Variants in ATXN1 observed in about 807,000 individuals in gnomAD.
The protein encoded by ATXN1 is ataxin 1, also known as ataxin-1.
In ATXN1, 8 loss-of-function variants were observed where a neutral mutation model predicts 56.4. The ratio of observed to expected loss-of-function variants is 0.14; its 90% confidence interval spans 0.08 to 0.26. The LOEUF (loss-of-function observed/expected upper bound fraction) is 0.26, where lower values mean the gene tolerates loss of function less well. ATXN1 is among the 10% of genes least tolerant of loss of function. The pLI, the probability that ATXN1 is intolerant of heterozygous loss-of-function variation, is 1.00. For missense variants in ATXN1, 987 were observed against 1,106.5 expected (o/e 0.89, Z 1.53); for synonymous variants, 514 against 494.6 (o/e 1.04, Z -0.52).
At chr6:16,556,054 T>C (rs1762007205) in intron 4 of ATXN1, among the ~76,000 whole-genome samples, 1 of 152,222 alleles carries the variant, frequency 6.6e-6, no homozygotes, top group Admixed American at 6.5e-5. Context: ...TAGGCATTCT[T>C]TTTCCTCTTG....
chr6:16,545,006 G>C (rs968950745), intron 4 of ATXN1, among the ~76,000 whole-genome samples: 1 of 152,156 alleles, frequency 6.6e-6, no homozygotes, highest in Non-Finnish European at 1.5e-5. Context: ...AAGGTCTTCA[G>C]GTCCAGGTAT....
At chr6:16,541,616 C>T (rs1339687548) in intron 4 of ATXN1, among the ~76,000 whole-genome samples, 1 of 152,190 alleles carries the variant, frequency 6.6e-6, no homozygotes, top group South Asian at 2.1e-4. Flanking sequence ...CGGCAGACTT[C>T]ATTCCACAGT....
intron 4 of ATXN1, among the ~76,000 whole-genome samples, chr6:16,527,743 T>C (rs765681293): frequency 6.6e-6 from 1 of 152,216 alleles, no homozygotes; most frequent in African/African-American, 2.4e-5. Flanking sequence ...ATGTCAGCAG[T>C]GGATGGAGTC....
chr6:16,666,018 A>C (rs1250570552), intron 2 of ATXN1, among the ~76,000 whole-genome samples: 1 of 152,150 alleles, frequency 6.6e-6, no homozygotes, highest in Non-Finnish European at 1.5e-5. Flanking sequence ...GTTATTTTGA[A>C]ATATACAATA....
Position 16,529,215 on chromosome 6 carries a change from T to G in ATXN1, c.-360-6527A>C, listed in dbSNP as rs184143868. The stretch of plus-strand genomic sequence containing the variant: ...TCTTTGTCAGGGTTTTTTGTTTTTT[T>G]TTTTTTTTTGTGAAGATAGCAAGCG... On this transcript the variant is annotated intron_variant, in intron 4 of 7. Transcript: ENST00000436367. Among the ~76,000 whole-genome samples, 647 of 150,870 alleles carry G rather than the reference T, an allele frequency of 4.3e-3. 2 individuals are homozygous for G. The highest frequency in any genetic ancestry group is 0.01 in the Admixed American group (152 of 15,164).
intron 6 of ATXN1, among the ~76,000 whole-genome samples, chr6:16,331,841 G>C (rs1760999483): frequency 6.6e-6 from 1 of 152,174 alleles, no homozygotes; most frequent in Non-Finnish European, 1.5e-5. Flanking sequence ...TCGTAAATTT[G>C]AAAAAGAATG....
intron 2 of ATXN1, among the ~76,000 whole-genome samples, chr6:16,684,370 G>C (rs1758874488): frequency 6.6e-6 from 1 of 152,084 alleles, no homozygotes; most frequent in Non-Finnish European, 1.5e-5. Flanking sequence ...TTGATTTAGT[G>C]GTCCTGTGAA....
intron 2 of ATXN1, among the ~76,000 whole-genome samples, chr6:16,752,013 T>C (rs1760736927): frequency 6.6e-6 from 1 of 152,144 alleles, no homozygotes; most frequent in African/African-American, 2.4e-5. Context: ...TAGTGGCAGC[T>C]CCAGATCTTA....
At chr6:16,346,740 C>T (rs1052865097) in intron 6 of ATXN1, among the ~76,000 whole-genome samples, 1 of 151,542 alleles carries the variant, frequency 6.6e-6, no homozygotes, top group African/African-American at 2.4e-5. Flanking sequence ...ACAGCCCTCA[C>T]TTGCTCTCTG....
chr6:16,439,032 C>A (rs1384532398), intron 6 of ATXN1, among the ~76,000 whole-genome samples: 2 of 151,966 alleles, frequency 1.3e-5, no homozygotes, highest in Non-Finnish European at 2.9e-5. Flanking sequence ...GTTACCCTTT[C>A]ATTACTGAAT....
At chr6:16,362,583 C>T (rs1009721541) in intron 6 of ATXN1, among the ~76,000 whole-genome samples, 4 of 152,186 alleles carry the variant, frequency 2.6e-5, no homozygotes, top group Non-Finnish European at 5.9e-5. Context: ...CGGCTCTTCC[C>T]ACCAGCAGCA....
chr6:16,627,360 T>C (rs1000530077), intron 3 of ATXN1, among the ~76,000 whole-genome samples: 1 of 152,190 alleles, frequency 6.6e-6, no homozygotes, highest in Non-Finnish European at 1.5e-5. Context: ...ACTGAGCCAC[T>C]GGCAGTAGGC....
rs74951974 is a variant in ATXN1, at chr6:16,452,904, G to A, written c.-161+33068C>T. ...TTAAGGATTCTGATGAAAGTTTAGC[G>A]TAAACCTACTTTAGCTGACTAGATT... On this transcript the variant is annotated intron_variant, in intron 6 of 7. Coordinates refer to ENST00000436367, the MANE Select transcript of ATXN1 (RefSeq NM_001128164.2). Among the ~76,000 whole-genome samples the A allele has an allele frequency of 3.5e-3, 533 of 152,278 alleles. 27 individuals carry two copies. The East Asian group carries it at 0.088, about 25-fold the overall frequency.
intron 6 of ATXN1, among the ~76,000 whole-genome samples, chr6:16,404,423 C>G (rs1307733545): frequency 2.0e-5 from 3 of 152,152 alleles, no homozygotes; most frequent in Admixed American, 6.5e-5. Flanking sequence ...CCACCTTTCC[C>G]TCCCAGAGCC....
chr6:16,691,671 G>C (rs1434278020), intron 2 of ATXN1, among the ~76,000 whole-genome samples: 1 of 152,178 alleles, frequency 6.6e-6, no homozygotes, highest in East Asian at 1.9e-4. Flanking sequence ...AAGATACTCT[G>C]AACAGATAAA....
chr6:16,543,214 G>A (rs530243871), intron 4 of ATXN1, among the ~76,000 whole-genome samples: 10 of 152,110 alleles, frequency 6.6e-5, no homozygotes, highest in Admixed American at 2.0e-4. Flanking sequence ...CCACCGTCCC[G>A]CAGCCACCAC....
rs184492961 is a variant in ATXN1 at position 16,546,889 on chromosome 6, G to A, written c.-360-24201C>T. On this transcript the variant is annotated intron_variant, in intron 4 of 7. Transcript: ENST00000436367. Reference sequence around the variant, plus strand: ...TTATTTATTTTTCACATAAAAATTAGAACCAACTATTTCAACATGCTGAAA... The same window carrying A: ...TTATTTATTTTTCACATAAAAATTAAAACCAACTATTTCAACATGCTGAAA... Among the ~76,000 whole-genome samples, 231 of 152,296 alleles carry A rather than the reference G, an allele frequency of 1.5e-3. 1 individual carries two copies. Among genetic ancestry groups the A allele is most frequent in the African/African-American group, 5.1e-3 (214 of 41,568 alleles).
chr6:16,583,341 T>C (rs1444120131), intron 4 of ATXN1, among the ~76,000 whole-genome samples: 3 of 152,194 alleles, frequency 2.0e-5, no homozygotes, highest in South Asian at 2.1e-4. Context: ...TGCCAAATGA[T>C]TCTTTGACCA....
intron 6 of ATXN1, among the ~76,000 whole-genome samples, chr6:16,472,522 C>A (rs1760240013): frequency 6.6e-6 from 1 of 152,170 alleles, no homozygotes; most frequent in African/African-American, 2.4e-5. Flanking sequence ...ATCAGGAATT[C>A]CAAAACATGC....
Sources: allele counts gnomAD v4.1 joint callset (sites outside exome capture counted in the v4.1 genomes callset), GRCh38; gene constraint gnomAD v4.1.1; transcripts MANE v1.5; gene names NCBI Gene and HGNC (gene_info 2026-07-23, HGNC 2026-07-21).